The following KCTD16 variants were observed in gnomAD, a reference collection of about 807,000 sequenced individuals.
KCTD16 encodes potassium channel tetramerization domain containing 16.
Under a neutral mutation model 33.2 loss-of-function variants are expected in KCTD16, and 13 were observed. That is an observed-to-expected ratio of 0.39 (90% confidence interval 0.25 to 0.62). The LOEUF is 0.62. KCTD16 is among the 20% of genes least tolerant of loss of function. KCTD16 has a pLI of 0.50. For synonymous variants in KCTD16, 197 were observed against 195.3 expected (o/e 1.01, Z -0.07); for missense variants, 441 against 525.1 (o/e 0.84, Z 1.57).
At chr5:144,250,582 C>T (rs570526918) in intron 3 of KCTD16, among the ~76,000 whole-genome samples, 93 of 152,284 alleles carry the variant, frequency 6.1e-4, no homozygotes, top group African/African-American at 2.1e-3. Context: ...AGGCAATTTA[C>T]ATTTGCTCTC....
At chr5:144,183,270 C>T (rs1206131493) in intron 2 of KCTD16, among the ~76,000 whole-genome samples, 1 of 152,098 alleles carries the variant, frequency 6.6e-6, no homozygotes, top group Non-Finnish European at 1.5e-5. Flanking sequence ...GCACACTGTT[C>T]TTCCCTATAA....
chr5:144,297,046 CG>C (rs1756056927), intron 3 of KCTD16, among the ~76,000 whole-genome samples: 1 of 152,114 alleles, frequency 6.6e-6, no homozygotes, highest in South Asian at 2.1e-4. Context: ...ATCACCTAAA[CG>C]CAAGATGTGC....
intron 3 of KCTD16, among the ~76,000 whole-genome samples, chr5:144,463,064 G>A (rs1185839189): frequency 6.6e-6 from 1 of 152,196 alleles, no homozygotes; most frequent in East Asian, 1.9e-4. Context: ...TGCTCTTAGA[G>A]TCACTGCAGG....
intron 3 of KCTD16, among the ~76,000 whole-genome samples, chr5:144,316,826 CTTTTT>C (rs34796022): frequency 9.0e-6 from 1 of 111,168 alleles, no homozygotes; most frequent in Non-Finnish European, 1.8e-5. Context: ...GCCAGCATCC[CTTTTT>C]TTTTTTTTTT....
intron 2 of KCTD16, among the ~76,000 whole-genome samples, chr5:144,194,256 T>C (rs1220823301): frequency 6.6e-6 from 1 of 152,242 alleles, no homozygotes; most frequent in Non-Finnish European, 1.5e-5. Context: ...GAACAAGCTC[T>C]GGAGCTTATG....
chr5:144,347,718 G>A (rs1369209659), intron 3 of KCTD16, among the ~76,000 whole-genome samples: 2 of 152,162 alleles, frequency 1.3e-5, no homozygotes, highest in African/African-American at 2.4e-5. Context: ...GGGATTTCTC[G>A]GAAGTGCACT....
intron 3 of KCTD16, among the ~76,000 whole-genome samples, chr5:144,416,435 G>A (rs1389453473): frequency 6.6e-6 from 1 of 152,076 alleles, no homozygotes; most frequent in African/African-American, 2.4e-5. Context: ...TTTCTGAAGG[G>A]GAATGTTATG....
intron 3 of KCTD16, among the ~76,000 whole-genome samples, chr5:144,398,084 T>C (rs1406453822): frequency 2.0e-5 from 3 of 152,026 alleles, no homozygotes; most frequent in Non-Finnish European, 2.9e-5. Flanking sequence ...AGAGCATGGA[T>C]TGATTATTTT....
intron 3 of KCTD16, among the ~76,000 whole-genome samples, chr5:144,282,855 A>G (rs1261815854): frequency 6.6e-6 from 1 of 152,138 alleles, no homozygotes; most frequent in African/African-American, 2.4e-5. Context: ...GGTAATAGAG[A>G]ACTATATCCC....
intron 3 of KCTD16, among the ~76,000 whole-genome samples, chr5:144,375,109 G>T (rs1321211105): frequency 3.9e-5 from 6 of 152,138 alleles, no homozygotes; most frequent in Non-Finnish European, 8.8e-5. Context: ...GTCTGCATAG[G>T]GAAGGCCTTC....
In KCTD16 at chr5:144,223,474, A is replaced by G. The variant is rs145508671; in HGVS notation, c.832+15928A>G. Among the ~76,000 whole-genome samples, 29 of 152,302 alleles carry G rather than the reference A, an allele frequency of 1.9e-4. No individual in the cohort carries two copies. In the East Asian group the frequency reaches 4.6e-3, roughly 24 times the overall value. ...GGTAGCATCAGCCCTATATTTTTAT[A>G]CAGTTCAGTATCATACATCCAAGAT... On this transcript the variant is annotated intron_variant, in intron 3 of 3. Coordinates refer to ENST00000512467, the MANE Select transcript of KCTD16 (RefSeq NM_020768.4).
At chr5:144,384,480 T>G (rs1354988565) in intron 3 of KCTD16, among the ~76,000 whole-genome samples, 1 of 152,202 alleles carries the variant, frequency 6.6e-6, no homozygotes, top group African/African-American at 2.4e-5. Flanking sequence ...TAAATACATT[T>G]TTTCTAAGTA....
At chr5:144,418,386 G>T (rs1191782551) in intron 3 of KCTD16, among the ~76,000 whole-genome samples, 2 of 152,122 alleles carry the variant, frequency 1.3e-5, no homozygotes, top group East Asian at 3.9e-4. Context: ...ATTTTACAGA[G>T]TGCTGATTGG....
chr5:144,301,810 T>C (rs1416540481), intron 3 of KCTD16, among the ~76,000 whole-genome samples: 2 of 152,180 alleles, frequency 1.3e-5, no homozygotes, highest in Admixed American at 1.3e-4. Context: ...TTCTTCAACA[T>C]AGTAGCTTTT....
intron 3 of KCTD16, among the ~76,000 whole-genome samples, chr5:144,267,281 CT>C (rs1447027181): frequency 6.6e-6 from 1 of 152,152 alleles, no homozygotes; most frequent in African/African-American, 2.4e-5. Flanking sequence ...CCTTCCTTAA[CT>C]TTCTGTACCT....
intron 3 of KCTD16, among the ~76,000 whole-genome samples, chr5:144,413,664 C>A (rs746864047): frequency 1.2e-4 from 19 of 152,114 alleles, no homozygotes; most frequent in Non-Finnish European, 2.2e-4. Flanking sequence ...CGTTAGTTAT[C>A]TGGAATTGTG....
chr5:144,234,799 TATATATGC>T lies in KCTD16; in HGVS notation c.832+27261_832+27268del, dbSNP rs1172132078. On this transcript the variant is annotated intron_variant, in intron 3 of 3. Transcript: ENST00000512467. The stretch of plus-strand genomic sequence containing the variant: ...CATGTATTATGTTATAGGTTATACA[TATATATGC>T]ATATATGTATATATGTGTGTGTGTA... Among the ~76,000 whole-genome samples the T allele has an allele frequency of 2.6e-5, 4 of 152,164 alleles. No individual in the cohort carries two copies. In the East Asian group the frequency reaches 7.7e-4, roughly 29 times the overall value.
chr5:144,407,696 C>T (rs189948436), intron 3 of KCTD16, among the ~76,000 whole-genome samples: 2 of 152,174 alleles, frequency 1.3e-5, no homozygotes, highest in Admixed American at 1.3e-4. Flanking sequence ...CCTCTCCTTG[C>T]CTCCCACCCC....
chr5:144,240,553 C>G (rs759272444), intron 3 of KCTD16, among the ~76,000 whole-genome samples: 23 of 152,112 alleles, frequency 1.5e-4, no homozygotes, highest in Non-Finnish European at 2.5e-4. Flanking sequence ...CAGTATAATA[C>G]ATTAGCTAAA....
Sources: allele counts gnomAD v4.1 joint callset (sites outside exome capture counted in the v4.1 genomes callset), GRCh38; gene constraint gnomAD v4.1.1; transcripts MANE v1.5; gene names NCBI Gene and HGNC (gene_info 2026-07-23, HGNC 2026-07-21).